PRTFDC1: variants seen among roughly 807,000 people sequenced by gnomAD.
PRTFDC1 encodes the protein phosphoribosyltransferase domain-containing protein 1.
PRTFDC1 carries 38 observed loss-of-function variants against 34.6 expected under a neutral mutation model. The ratio of observed to expected loss-of-function variants is 1.10; its 90% CI spans 0.85 to 1.44. The LOEUF is 1.44. Among genes scored for constraint, PRTFDC1 ranks in the 40% most tolerant of loss-of-function variants. The pLI is 0.00. For synonymous variants in PRTFDC1, 93 were observed against 98.1 expected (o/e 0.95, Z 0.31); for missense variants, 270 against 283.0 (o/e 0.95, Z 0.33).
chr10:24,950,185 C>T (rs1849318030), intron 1 of PRTFDC1, among the ~76,000 whole-genome samples: 1 of 152,160 alleles, frequency 6.6e-6, no homozygotes, highest in Admixed American at 6.6e-5. Flanking sequence ...CCTACTCTAT[C>T]CGTGCATCTA....
At chr10:24,887,426 A>G (rs1257333346) in intron 3 of PRTFDC1, among the ~76,000 whole-genome samples, 1 of 151,296 alleles carries the variant, frequency 6.6e-6, no homozygotes, top group Non-Finnish European at 1.5e-5. Flanking sequence ...TTCTCATCAT[A>G]GTGAGTTCTC....
chr10:24,851,775 C>T (rs1847494322), intron 7 of PRTFDC1, among the ~76,000 whole-genome samples: 1 of 151,682 alleles, frequency 6.6e-6, no homozygotes, highest in South Asian at 2.1e-4. Context: ...TCACGTGGCC[C>T]TGGTGTTCTA....
intron 3 of PRTFDC1, among the ~76,000 whole-genome samples, chr10:24,878,742 A>T (rs542508107): frequency 6.6e-5 from 10 of 152,296 alleles, no homozygotes; most frequent in African/African-American, 2.2e-4. Context: ...ACCGAGGAAG[A>T]ATACATATCC....
At chr10:24,943,367 AG>A (rs1456122178) in intron 1 of PRTFDC1, among the ~76,000 whole-genome samples, 2 of 152,078 alleles carry the variant, frequency 1.3e-5, no homozygotes, top group Non-Finnish European at 2.9e-5. Flanking sequence ...ACTGATAGTA[AG>A]TCTCCCTCTC....
intron 3 of PRTFDC1, among the ~76,000 whole-genome samples, chr10:24,877,514 G>T (rs577915702): frequency 6.6e-6 from 1 of 152,268 alleles, no homozygotes; most frequent in Non-Finnish European, 1.5e-5. Flanking sequence ...TTAAAGCAAA[G>T]TTATGCTAGC....
At chr10:24,906,241 T>G (rs10828720) in intron 3 of PRTFDC1, among the ~76,000 whole-genome samples, 37,585 of 152,050 alleles carry the variant, frequency 0.25, 5,336 homozygotes, top group Middle Eastern at 0.36. Context: ...CTTGGCTGTG[T>G]AGAGAGCCCC....
chr10:24,852,537 C>G (rs1220306774), intron 7 of PRTFDC1, among the ~76,000 whole-genome samples: 1 of 152,170 alleles, frequency 6.6e-6, no homozygotes, highest in Non-Finnish European at 1.5e-5. Flanking sequence ...CTCAGGAGAT[C>G]CTCTCACCTC....
chr10:24,914,740 T>G (rs1005102388), intron 3 of PRTFDC1, among the ~76,000 whole-genome samples: 63 of 152,320 alleles, frequency 4.1e-4, no homozygotes, highest in African/African-American at 1.5e-3. Context: ...AGAACTTTAT[T>G]AAAACTACAG....
At chr10:24,881,129 G>A (rs1404647170) in intron 3 of PRTFDC1, among the ~76,000 whole-genome samples, 1 of 150,828 alleles carries the variant, frequency 6.6e-6, no homozygotes, top group Non-Finnish European at 1.5e-5. Flanking sequence ...AAGCAGTGGT[G>A]CAATCATAGC....
intron 3 of PRTFDC1, among the ~76,000 whole-genome samples, chr10:24,920,336 G>A (rs1011843300): frequency 6.6e-6 from 1 of 151,580 alleles, no homozygotes; most frequent in Non-Finnish European, 1.5e-5. Context: ...TATATACCAT[G>A]GAATACTATG....
intron 3 of PRTFDC1, among the ~76,000 whole-genome samples, chr10:24,886,368 A>T (rs1420284634): frequency 6.6e-6 from 1 of 152,172 alleles, no homozygotes; most frequent in African/African-American, 2.4e-5. Context: ...TGGTTAAGTA[A>T]CTTTGCCCAA....
rs1849362165 is a variant in PRTFDC1, at chr10:24,952,464, AC to A, written c.48+63del. 1.3e-6 allele frequency: 2 copies of A among 1,507,136 alleles called. No individual in the cohort carries two copies. The highest frequency in any genetic ancestry group is 1.4e-5 in the African/African-American group (1 of 72,252). 93.4% of individuals were successfully genotyped at this position (1,507,136 alleles called of 1,614,324 possible). Reference sequence around the variant, plus strand: ...CCGACGCACGGCAAGCATTTAATCTACAAGCAGGGTGCCAGGGAGGGAGGGG... The same window carrying A: ...CCGACGCACGGCAAGCATTTAATCTAAAGCAGGGTGCCAGGGAGGGAGGGG... On this transcript the variant is annotated intron_variant, in intron 1 of 8. Transcript: ENST00000320152. The surrounding 1 kb of genome is among the most constrained non-coding windows in gnomAD (Gnocchi z 5.1).
chr10:24,941,062 T>TGTGTGTGTG lies in PRTFDC1; in HGVS notation c.155+1267_155+1268insCACACACAC, dbSNP rs1564320103. On this transcript the variant is annotated intron_variant, in intron 2 of 8. Coordinates refer to ENST00000320152, the MANE Select transcript of PRTFDC1 (RefSeq NM_020200.7). ...TGTGTGTGTGTGTGTGTGTGTGTGT[T>TGTGTGTGTG]TGTGTGTTTGAGACAAGGTCTCGCT... Among the ~76,000 whole-genome samples, 364 of 145,218 alleles carry TGTGTGTGTG rather than the reference T, an allele frequency of 2.5e-3. 2 individuals carry two copies. Among genetic ancestry groups the TGTGTGTGTG allele is most frequent in the African/African-American group, 9.0e-3 (348 of 38,784 alleles).
rs892651415 is a variant in PRTFDC1, at chr10:24,875,041, C to T, written c.340-2978G>A. ...TCCTTCCACCATGATTGTAGGTTTC[C>T]GGAGGCTTTCCTAGCCCTGTGGAAC... On this transcript the variant is annotated intron_variant, in intron 3 of 8. Transcript: ENST00000320152. 1.4e-4 allele frequency among the ~76,000 whole-genome samples: 21 copies of T among 152,258 alleles called. 1 individual carries two copies. The highest frequency in any genetic ancestry group is 5.8e-4 in the East Asian group (3 of 5,182).
At chr10:24,929,933 G>C (rs1474570988) in intron 3 of PRTFDC1, among the ~76,000 whole-genome samples, 2 of 152,106 alleles carry the variant, frequency 1.3e-5, no homozygotes, top group Non-Finnish European at 2.9e-5. Context: ...TCTGATTGCA[G>C]TCCTAGCTGT....
intron 3 of PRTFDC1, among the ~76,000 whole-genome samples, chr10:24,936,203 T>G (rs1849048146): frequency 6.6e-6 from 1 of 152,228 alleles, no homozygotes; most frequent in Admixed American, 6.5e-5. Context: ...TAAGTTATTT[T>G]TAATGTTTTA....
At chr10:24,908,959 T>C in intron 3 of PRTFDC1, 1 of 364,754 alleles carries the variant, frequency 2.7e-6, no homozygotes, top group Non-Finnish European at 4.9e-6. Flanking sequence ...GCATCCAACC[T>C]TTCTGAGCCT....
chr10:24,933,180 A>C (rs1277415872), intron 3 of PRTFDC1, among the ~76,000 whole-genome samples: 1 of 152,038 alleles, frequency 6.6e-6, no homozygotes, highest in Non-Finnish European at 1.5e-5. Flanking sequence ...TAAAAAAAGG[A>C]GAAAATCTTT....
intron 3 of PRTFDC1, among the ~76,000 whole-genome samples, chr10:24,924,316 C>A (rs1238285569): frequency 6.6e-6 from 1 of 152,190 alleles, no homozygotes; most frequent in Admixed American, 6.5e-5. Context: ...CACAAAGATA[C>A]TCCTCGAGAA....
Sources: allele counts gnomAD v4.1 joint callset (sites outside exome capture counted in the v4.1 genomes callset), GRCh38; gene constraint gnomAD v4.1.1; non-coding constraint Gnocchi (gnomAD v3.1); transcripts MANE v1.5; gene names NCBI Gene and HGNC (gene_info 2026-07-23, HGNC 2026-07-21).